CHD2: variants seen among roughly 807,000 people sequenced by gnomAD.
The protein encoded by CHD2 is ATP-dependent chromatin remodeler CHD2.
CHD2 carries 28 observed loss-of-function variants against 243.9 expected under a neutral mutation model. The observed-to-expected ratio is 0.11, with a 90% CI of 0.09 to 0.16. CHD2 has a LOEUF of 0.16. Ranked by LOEUF, CHD2 falls within the 10% of genes least tolerant of loss-of-function variation. CHD2 has a pLI of 1.00. For synonymous variants in CHD2, 775 were observed against 779.0 expected (o/e 0.99, Z 0.09); for missense variants, 1,386 against 2,209.8 (o/e 0.63, Z 7.47).
In CHD2 at chr15:92,998,202, C is replaced by G; in HGVS notation, c.3886-297C>G. 9.3e-7 allele frequency: 1 copy of G among 1,076,712 alleles called. No individual in the cohort carries two copies. Among genetic ancestry groups the G allele is most frequent in the Non-Finnish European group, 1.1e-6 (1 of 887,266 alleles). 66.7% of individuals were successfully genotyped at this position (1,076,712 alleles called of 1,614,324 possible). On this transcript the variant is annotated intron_variant, in intron 30 of 38. Coordinates refer to ENST00000394196, the MANE Select transcript of CHD2 (RefSeq NM_001271.4). This position sits in a 1 kb window ranked among gnomAD's most constrained non-coding sequence, Gnocchi z 5.1. Reference sequence around the variant, plus strand: ...GGAAATCCACGACGGCTGGGATGCTCTAGCAGATGAAGCCACAAGCCCCTC... The same window carrying G: ...GGAAATCCACGACGGCTGGGATGCTGTAGCAGATGAAGCCACAAGCCCCTC...
At chr15:92,990,270 C>T (rs951978542) in intron 26 of CHD2, among the ~76,000 whole-genome samples, 1 of 152,168 alleles carries the variant, frequency 6.6e-6, no homozygotes, top group Non-Finnish European at 1.5e-5. Flanking sequence ...ATTGTAGTTG[C>T]AGAAGTGTTA....
intron 19 of CHD2, 67 bp downstream of exon 19, chr15:92,972,484 T>A (rs961876799): frequency 7.3e-7 from 1 of 1,369,214 alleles, no homozygotes; most frequent in Non-Finnish European, 1.0e-6. Flanking sequence ...TCCCCAACCT[T>A]CCTACACTGG....
At chr15:93,018,339 A>C (rs1409715924) in intron 37 of CHD2, among the ~76,000 whole-genome samples, 2 of 152,208 alleles carry the variant, frequency 1.3e-5, no homozygotes, top group East Asian at 3.8e-4. Flanking sequence ...ACATCATATT[A>C]ATGCTATCAG....
intron 2 of CHD2, among the ~76,000 whole-genome samples, chr15:92,913,811 T>A (rs2052785977): frequency 6.6e-6 from 1 of 152,146 alleles, no homozygotes; most frequent in Non-Finnish European, 1.5e-5. Context: ...GTGATCACAT[T>A]ACGTGCACTC....
chr15:93,018,333 C>T (rs191627143), intron 37 of CHD2, among the ~76,000 whole-genome samples: 1 of 152,348 alleles, frequency 6.6e-6, no homozygotes, highest in Non-Finnish European at 1.5e-5. Context: ...GACTGTACAT[C>T]ATATTAATGC....
chr15:92,937,384 A>G (rs900065931), intron 5 of CHD2, 134 bp from the exon 6 acceptor site: 5 of 612,694 alleles, frequency 8.2e-6, no homozygotes, highest in Non-Finnish European at 1.4e-5. Context: ...AAATGGAGCT[A>G]GAATCTCTTT....
In CHD2 at chr15:92,998,670, C is replaced by T. The variant is rs749499036; in HGVS notation, c.4008+49C>T. On this transcript the variant is annotated intron_variant, in intron 31 of 38. Coordinates refer to ENST00000394196, the MANE Select transcript of CHD2 (RefSeq NM_001271.4). The surrounding 1 kb of genome is among the most constrained non-coding windows in gnomAD (Gnocchi z 5.1). ...TTTTTCAGGGGCCTGAGGCTCCTAC[C>T]CTGCAGAATTAGGTAGGAAGAGAGA... The T allele has an allele frequency of 1.3e-6, 2 of 1,595,338 alleles. No individual in the cohort carries two copies. The highest frequency in any genetic ancestry group is 1.7e-5 in the Admixed American group (1 of 58,720).
At chr15:92,936,200 C>T (rs2053264361) in intron 5 of CHD2, among the ~76,000 whole-genome samples, 1 of 152,194 alleles carries the variant, frequency 6.6e-6, no homozygotes, top group Admixed American at 6.5e-5. Context: ...TAGGAAGGTT[C>T]TCAATCTGCA....
Position 92,997,223 on chromosome 15 carries a change from A to G in CHD2, c.3735-30A>G. On this transcript the variant is annotated intron_variant, in intron 29 of 38. Transcript: ENST00000394196. This position sits in a 1 kb window ranked among gnomAD's most constrained non-coding sequence, Gnocchi z 4.1. ...AACATACCAAAAAGGCCCCTCTTCT[A>G]ATGTCTTCCTGTTTTTAAACTTTCT... 3 of 1,613,506 alleles carry G rather than the reference A, an allele frequency of 1.9e-6. No homozygotes were observed. Among genetic ancestry groups the G allele is most frequent in the South Asian group, 2.2e-5 (2 of 90,932 alleles).
intron 17 of CHD2, among the ~76,000 whole-genome samples, chr15:92,969,812 C>CTTTT (rs11297975): frequency 2.3e-5 from 3 of 132,602 alleles, no homozygotes; most frequent in Non-Finnish European, 3.2e-5. Context: ...TTAAGATTTT[C>CTTTT]TTTTTTTTTT....
chr15:93,024,556 T>G lies in CHD2; in HGVS notation c.5338T>G (p.Leu1780Val). 1.2e-6 allele frequency: 2 copies of G among 1,614,124 alleles called. No individual in the cohort carries two copies. The highest frequency in any genetic ancestry group is 4.5e-5 in the East Asian group (2 of 44,880). ...GGAATATAAACAGCCTCTACCCCCA[T>G]TGCACCCTGCAGTCTCAGATCCTCG... is the stretch of plus-strand genomic sequence containing the variant. Reference protein sequence around the residue: ...LGEYKQPLPPLHPAVSDPRSP... With the variant: ...LGEYKQPLPPVHPAVSDPRSP... Residue 1780 changes from leucine to valine, a missense_variant, in exon 39 of 39, where the codon TTG becomes GTG. Leu to Val is a conservative substitution (Grantham distance 32). Coordinates refer to ENST00000394196, the MANE Select transcript of CHD2 (RefSeq NM_001271.4).
chr15:92,924,679 T>C (rs1412957008), intron 3 of CHD2, 127 bp downstream of exon 3: 7 of 716,006 alleles, frequency 9.8e-6, no homozygotes, highest in Non-Finnish European at 1.7e-5. Flanking sequence ...TCTAGTAATA[T>C]ACAGTAGTAT....
Position 92,904,846 on chromosome 15 carries a change from C to CA in CHD2, c.62+3548dup. 2.0e-6 allele frequency: 3 copies of CA among 1,521,212 alleles called. No homozygotes were observed. The South Asian group carries it at 3.7e-5, about 19-fold the overall frequency. The allele number at this position is 1,521,212 out of a possible 1,614,324, so 94.2% of individuals were successfully genotyped here. On this transcript the variant is annotated intron_variant, in intron 2 of 38. Coordinates refer to ENST00000394196, the MANE Select transcript of CHD2 (RefSeq NM_001271.4). ...ACAATTGACCAAAACGTTTGAGTGT[C>CA]AGAGGCGGATACTTTTATTTTAGTG...
chr15:92,991,422 A>G, intron 26 of CHD2, 54 bp from the exon 27 acceptor site: 1 of 1,359,150 alleles, frequency 7.4e-7, no homozygotes, highest in Non-Finnish European at 1.0e-6. Flanking sequence ...TAGCATCAAC[A>G]TAACTAAAGT....
At chr15:92,983,999 A>G (rs144967256) in intron 24 of CHD2, among the ~76,000 whole-genome samples, 1 of 152,298 alleles carries the variant, frequency 6.6e-6, no homozygotes, top group African/African-American at 2.4e-5. Flanking sequence ...ATCTAAATAA[A>G]TCTAAATTTT....
At chr15:92,908,331 C>CTA (rs1308652251) in intron 2 of CHD2, among the ~76,000 whole-genome samples, 1 of 152,146 alleles carries the variant, frequency 6.6e-6, no homozygotes, top group Non-Finnish European at 1.5e-5. Flanking sequence ...AACCATAGGA[C>CTA]TATATATTTG....
At chr15:93,016,849 A>G (rs1198212935) in intron 37 of CHD2, among the ~76,000 whole-genome samples, 1 of 152,090 alleles carries the variant, frequency 6.6e-6, no homozygotes, top group African/African-American at 2.4e-5. Context: ...AATTTTGGAA[A>G]TTTGATTAGA....
rs1308763946 is a variant in CHD2 at position 92,997,323 on chromosome 15, C to T, written c.3805C>T (p.Leu1269=). 1 of 1,613,700 alleles carries T rather than the reference C, an allele frequency of 6.2e-7. No individual in the cohort carries two copies. The highest frequency in any genetic ancestry group is 8.5e-7 in the Non-Finnish European group (1 of 1,179,884). ...VEWGVEDDSR[L]LLGIYEHGYG... The stretch of plus-strand genomic sequence containing the variant: ...GTGGGGGGTGGAAGATGATTCTCGC[C>T]TGTTGCTGGGGATTTATGAACATGG... The change falls in exon 30 of 39, where the codon CTG becomes TTG. Residue 1269 remains leucine, a synonymous_variant. Coordinates refer to ENST00000394196, the MANE Select transcript of CHD2 (RefSeq NM_001271.4). The surrounding 1 kb of genome is among the most constrained non-coding windows in gnomAD (Gnocchi z 4.1).
Position 92,939,722 on chromosome 15 carries a change from A to G in CHD2, c.692+4A>G, listed in dbSNP as rs199767571. 9 of 1,612,682 alleles carry G rather than the reference A, an allele frequency of 5.6e-6. No homozygotes were observed. The East Asian group carries it at 2.0e-4, about 36-fold the overall frequency. On this transcript the variant is annotated splice_donor_region_variant and intron_variant, in intron 7 of 38. Coordinates refer to ENST00000394196, the MANE Select transcript of CHD2 (RefSeq NM_001271.4). ...GAAGAGCGGCTAAAAACGTTAGGTA[A>G]GTTGTACCCCAGAAGTGTTTCACTG...
Sources: allele counts gnomAD v4.1 joint callset (sites outside exome capture counted in the v4.1 genomes callset), GRCh38; gene constraint gnomAD v4.1.1; non-coding constraint Gnocchi (gnomAD v3.1); transcripts MANE v1.5; gene names NCBI Gene and HGNC (gene_info 2026-07-23, HGNC 2026-07-21).